GPBP1: variants seen among roughly 807,000 people sequenced by gnomAD.
GPBP1 encodes the protein GC-rich promoter binding protein 1.
GPBP1 carries 13 observed loss-of-function variants against 56.5 expected under a neutral mutation model. The observed-to-expected ratio is 0.23, with a 90% confidence interval of 0.15 to 0.37. GPBP1 has a LOEUF of 0.37. GPBP1 is among the 10% of genes least tolerant of loss of function. The pLI is 1.00. For missense variants in GPBP1, 477 were observed against 572.3 expected, an observed-to-expected ratio of 0.83 and a Z score of 1.70; for synonymous variants, 204 against 188.9, an observed-to-expected ratio of 1.08 and a Z score of -0.66.
intron 6 of GPBP1, among the ~76,000 whole-genome samples, chr5:57,239,329 T>G (rs1740705938): frequency 6.6e-6 from 1 of 152,240 alleles, no homozygotes; most frequent in African/African-American, 2.4e-5. Flanking sequence ...ATGCATTTCT[T>G]TAAGCATGTT....
chr5:57,189,632 T>C (rs1382351862), intron 2 of GPBP1, among the ~76,000 whole-genome samples: 2 of 152,244 alleles, frequency 1.3e-5, no homozygotes, highest in African/African-American at 2.4e-5. Flanking sequence ...TATTTCATTA[T>C]TCACAGAGCA....
At chr5:57,249,188 G>C (rs1028275412) in intron 8 of GPBP1, 8 of 418,944 alleles carry the variant, frequency 1.9e-5, no homozygotes, top group African/African-American at 1.6e-4. Flanking sequence ...TCATAGTTCT[G>C]AGTATTATCA....
intron 6 of GPBP1, among the ~76,000 whole-genome samples, chr5:57,244,956 T>C (rs928833695): frequency 3.9e-5 from 6 of 152,148 alleles, no homozygotes; most frequent in Admixed American, 2.6e-4. Context: ...CAGGCTGTTC[T>C]TGAGCTCCGG....
chr5:57,217,346 G>A (rs545067060), intron 3 of GPBP1, among the ~76,000 whole-genome samples: 7 of 152,064 alleles, frequency 4.6e-5, no homozygotes, highest in African/African-American at 1.7e-4. Flanking sequence ...GCCGAGGCGG[G>A]CGGATCACCT....
At chr5:57,252,359 A>C (rs1741437483) in intron 10 of GPBP1, among the ~76,000 whole-genome samples, 1 of 152,048 alleles carries the variant, frequency 6.6e-6, no homozygotes, top group Non-Finnish European at 1.5e-5. Flanking sequence ...GTTCAGACTC[A>C]TCCTTTCCCA....
chr5:57,246,706 T>A (rs901377595), intron 7 of GPBP1, among the ~76,000 whole-genome samples: 19 of 142,350 alleles, frequency 1.3e-4, no homozygotes, highest in South Asian at 2.1e-4. Flanking sequence ...AACTTAAAAA[T>A]TTTTTTTTTT....
At chr5:57,247,648 G>A (rs115919668) in intron 8 of GPBP1, among the ~76,000 whole-genome samples, 1,854 of 152,220 alleles carry the variant, frequency 0.012, 17 homozygotes, top group Non-Finnish European at 0.018. Flanking sequence ...TTGTGCCACT[G>A]TACTCAAACC....
intron 3 of GPBP1, among the ~76,000 whole-genome samples, chr5:57,214,483 G>T (rs1385212369): frequency 6.6e-6 from 1 of 152,062 alleles, no homozygotes; most frequent in Non-Finnish European, 1.5e-5. Context: ...TATTCAAGAG[G>T]CTGAGGTGGG....
At chr5:57,216,830 T>G (rs1755717933) in intron 3 of GPBP1, among the ~76,000 whole-genome samples, 1 of 151,594 alleles carries the variant, frequency 6.6e-6, no homozygotes, top group African/African-American at 2.4e-5. Context: ...TTTCTCCTTA[T>G]GAACATTTTT....
rs1455441021 is a variant in GPBP1 at position 57,176,160 on chromosome 5, TAAAG to T, written c.-295_-292del. The T allele has an allele frequency of 5.1e-6, 2 of 395,586 alleles. No individual in the cohort carries two copies. The highest frequency in any genetic ancestry group is 3.6e-5 in the East Asian group (1 of 27,912). The allele number at this position is 395,586 out of a possible 1,614,324, so 24.5% of individuals were successfully genotyped here. On this transcript the variant is annotated 5_prime_UTR_variant, in exon 2 of 12. Coordinates refer to ENST00000506184, the MANE Select transcript of GPBP1 (RefSeq NM_022913.4). ...CAACAGTGGCAAGTACATGGAATAA[TAAAG>T]AAGACTTTGATCTTAAATCTAAAGA...
rs143854052 is a variant in GPBP1, at chr5:57,185,650, A to G, written c.-58+9250A>G. Reference sequence around the variant, plus strand: ...TAATTTGCATTTCCCTAATAATGATAGCATCTTTCCGTGTGTTTTGGTGAA... The same window carrying G: ...TAATTTGCATTTCCCTAATAATGATGGCATCTTTCCGTGTGTTTTGGTGAA... On this transcript the variant is annotated intron_variant, in intron 2 of 11. Coordinates refer to ENST00000506184, the MANE Select transcript of GPBP1 (RefSeq NM_022913.4). Among the ~76,000 whole-genome samples the G allele has an allele frequency of 7.4e-4, 112 of 152,146 alleles. 2 individuals carry two copies. The East Asian group carries it at 0.018, about 24-fold the overall frequency.
At chr5:57,231,599 C>T (rs964570867) in intron 5 of GPBP1, among the ~76,000 whole-genome samples, 12 of 152,152 alleles carry the variant, frequency 7.9e-5, no homozygotes, top group East Asian at 5.8e-4. Flanking sequence ...CTACTGCACC[C>T]GGCCAAAATA....
Position 57,237,278 on chromosome 5 carries a change from T to G in GPBP1, c.478+1246T>G, listed in dbSNP as rs190627108. 3.2e-3 allele frequency: 2,604 copies of G among 812,044 alleles called. 10 individuals are homozygous for G. The highest frequency in any genetic ancestry group is 4.5e-3 in the Non-Finnish European group (2,182 of 485,072). 50.3% of individuals were successfully genotyped at this position (812,044 alleles called of 1,614,324 possible). ...AATCTCTAAGAAATTAGGAATAATT[T>G]GGATTTGATTAGAATGAAAGTTTTA... On this transcript the variant is annotated intron_variant, in intron 6 of 11. Transcript: ENST00000506184.
chr5:57,228,283 C>T (rs1254067876), intron 3 of GPBP1, among the ~76,000 whole-genome samples: 1 of 152,004 alleles, frequency 6.6e-6, no homozygotes, highest in Non-Finnish European at 1.5e-5. Context: ...GGTGAAACCC[C>T]ATCTCTACTG....
chr5:57,262,707 C>T lies in GPBP1; in HGVS notation c.1377C>T (p.Asp459=). ...STFKPTTEND[D]TETSSSDTSD... is the part of the protein sequence containing the mutation. ...TCAAACCCACAACTGAGAATGATGACACAGAGACAAGTAGCAGTGATACAT... is the reference window on the plus strand; with the variant it reads ...TCAAACCCACAACTGAGAATGATGATACAGAGACAAGTAGCAGTGATACAT... Residue 459 remains aspartate, a synonymous_variant, in exon 12 of 12, where the codon GAC becomes GAT. Coordinates refer to ENST00000506184, the MANE Select transcript of GPBP1 (RefSeq NM_022913.4). 1 of 1,613,742 alleles carries T rather than the reference C, an allele frequency of 6.2e-7. No individual in the cohort carries two copies. The highest frequency in any genetic ancestry group is 1.1e-5 in the South Asian group (1 of 91,076).
At chr5:57,237,130 C>A in intron 6 of GPBP1, 1 of 1,549,584 alleles carries the variant, frequency 6.5e-7, no homozygotes, top group Non-Finnish European at 8.7e-7. Context: ...CGCCCAGACA[C>A]ACACATACCC....
intron 2 of GPBP1, among the ~76,000 whole-genome samples, chr5:57,212,177 C>G (rs2111754652): frequency 6.6e-6 from 1 of 152,134 alleles, no homozygotes; most frequent in East Asian, 1.9e-4. Flanking sequence ...ATCCACCCAC[C>G]CCAGCCTCCC....
chr5:57,245,884 A>T (rs1293985024), intron 6 of GPBP1: 1 of 153,246 alleles, frequency 6.5e-6, no homozygotes, highest in African/African-American at 2.4e-5. Context: ...TGGAGTAAAA[A>T]GAATGAAAAA....
intron 2 of GPBP1, among the ~76,000 whole-genome samples, chr5:57,182,715 A>C (rs760679918): frequency 2.7e-5 from 4 of 150,076 alleles, no homozygotes; most frequent in Admixed American, 2.0e-4. Context: ...ACAAAGTGTC[A>C]CTCTGCCACC....
Sources: allele counts gnomAD v4.1 joint callset (sites outside exome capture counted in the v4.1 genomes callset), GRCh38; gene constraint gnomAD v4.1.1; transcripts MANE v1.5; gene names NCBI Gene and HGNC (gene_info 2026-07-23, HGNC 2026-07-21).